The following GPLD1 variants were observed in gnomAD, a reference collection of about 807,000 sequenced individuals.
GPLD1 encodes phosphatidylinositol-glycan-specific phospholipase D.
GPLD1 carries 84 observed loss-of-function variants against 112.6 expected under a neutral mutation model. The observed-to-expected ratio is 0.75, with a 90% CI of 0.63 to 0.89. GPLD1 has a LOEUF of 0.89. GPLD1 is among the 40% of genes least tolerant of loss of function. GPLD1 has a pLI of 0.00. For synonymous variants in GPLD1, 386 were observed against 403.8 expected (o/e 0.96, Z 0.53); for missense variants, 1,044 against 1,051.5 (o/e 0.99, Z 0.10).
At chr6:24,472,170 G>A (rs1265881044) in intron 7 of GPLD1, among the ~76,000 whole-genome samples, 3 of 151,744 alleles carry the variant, frequency 2.0e-5, no homozygotes, top group Non-Finnish European at 1.5e-5. Context: ...AAACACAAAT[G>A]ATCCATAAAA....
upstream of GPLD1, chr6:24,489,746 G>A: frequency 1.8e-6 from 1 of 566,110 alleles, no homozygotes; most frequent in Non-Finnish European, 2.9e-6. Flanking sequence ...GTGGGGTTGG[G>A]AGGATAAACT....
downstream of GPLD1, chr6:24,425,081 T>C (rs528327602): frequency 1.3e-5 from 2 of 152,228 alleles, no homozygotes; most frequent in Non-Finnish European, 2.9e-5. Flanking sequence ...GTCATGGTGT[T>C]CTTGTCGGAA....
At chr6:24,468,503 G>C (rs1360409136) in intron 7 of GPLD1, among the ~76,000 whole-genome samples, 1 of 152,086 alleles carries the variant, frequency 6.6e-6, no homozygotes, top group Non-Finnish European at 1.5e-5. Flanking sequence ...TCCTCGCTTC[G>C]AGTTGTCCCA....
upstream of GPLD1, chr6:24,489,760 A>T (rs570708483): frequency 1.1e-3 from 586 of 511,302 alleles, 1 homozygote; most frequent in Middle Eastern, 2.2e-3. Context: ...ATAAACTGAA[A>T]TCTGAAAAGC....
chr6:24,452,829 G>A (rs1763134636), intron 14 of GPLD1, among the ~76,000 whole-genome samples: 1 of 151,054 alleles, frequency 6.6e-6, no homozygotes, highest in Middle Eastern at 3.3e-3. Flanking sequence ...TCTCTTCACA[G>A]GATTCACTTC....
At chr6:24,489,628 G>A (rs376372836), upstream of GPLD1, 85 of 1,502,370 alleles carry the variant, frequency 5.7e-5, no homozygotes, top group African/African-American at 5.3e-4. Flanking sequence ...GTCACTGACC[G>A]AGGAAACCAA....
chr6:24,463,778 GT>G (rs1489263224), intron 10 of GPLD1, among the ~76,000 whole-genome samples: 2 of 152,132 alleles, frequency 1.3e-5, no homozygotes, highest in African/African-American at 4.8e-5. Context: ...ACATATTTAT[GT>G]TTTCCTTTCT....
chr6:24,492,999 A>G (rs1233754930), upstream of GPLD1, among the ~76,000 whole-genome samples: 1 of 152,212 alleles, frequency 6.6e-6, no homozygotes, highest in African/African-American at 2.4e-5. Flanking sequence ...GAGTGCTCCT[A>G]AAAGTTTTAT....
chr6:24,465,238 A>AG (rs1214044406), intron 10 of GPLD1, among the ~76,000 whole-genome samples: 1 of 147,164 alleles, frequency 6.8e-6, no homozygotes, highest in African/African-American at 2.5e-5. Flanking sequence ...AGAAAAGAAA[A>AG]AAAAAGAAAT....
chr6:24,430,110 C>G (rs1164792374), intron 24 of GPLD1, among the ~76,000 whole-genome samples: 1 of 152,232 alleles, frequency 6.6e-6, no homozygotes, highest in African/African-American at 2.4e-5. Flanking sequence ...CTGTGCTTAT[C>G]TTATCCCTTA....
At chr6:24,492,672 C>CT (rs1007495104), upstream of GPLD1, among the ~76,000 whole-genome samples, 9 of 151,976 alleles carry the variant, frequency 5.9e-5, no homozygotes, top group African/African-American at 2.2e-4. Context: ...CTTGTAGGCC[C>CT]TGGTAAGGAC....
rs144668969 is a variant in GPLD1, at chr6:24,484,353, C to A, written c.153+1722G>T. Among the ~76,000 whole-genome samples the A allele has an allele frequency of 5.5e-3, 832 of 152,232 alleles. 5 individuals are homozygous for A. Among genetic ancestry groups the A allele is most frequent in the South Asian group, 0.029 (141 of 4,818 alleles). On this transcript the variant is annotated intron_variant, in intron 2 of 24. Transcript: ENST00000230036. ...AGCCTCCCAAGTAGCTAGGACTAGA[C>A]TATAGGTGTCTGCCACCACGGCCAG...
At chr6:24,460,156 C>T in intron 12 of GPLD1, 123 bp downstream of exon 12, 2 of 1,161,902 alleles carry the variant, frequency 1.7e-6, no homozygotes, top group South Asian at 1.3e-5. Flanking sequence ...ACTCAGCCTC[C>T]CAGCCACCAC....
At chr6:24,482,645 G>C (rs1764243871) in intron 2 of GPLD1, among the ~76,000 whole-genome samples, 1 of 152,114 alleles carries the variant, frequency 6.6e-6, no homozygotes, top group Non-Finnish European at 1.5e-5. Context: ...TTGAACTCCC[G>C]ACCTCAGGTG....
At position 24,466,957 on chromosome 6, in the gene GPLD1, A is replaced by T. The variant is rs770714274; in HGVS notation, c.654-18T>A. ...CACCATACCTGCAAAATAAACAATA[A>T]TTTTGGCTGTGAGTTGCAGTTTGTA... On this transcript the variant is annotated intron_variant, in intron 8 of 24. Transcript: ENST00000230036. 8.1e-6 allele frequency: 13 copies of T among 1,607,702 alleles called. No individual in the cohort carries two copies. Among genetic ancestry groups the T allele is most frequent in the Non-Finnish European group, 1.1e-5 (13 of 1,174,240 alleles).
chr6:24,468,461 G>A (rs761067525), intron 7 of GPLD1, among the ~76,000 whole-genome samples: 3 of 152,182 alleles, frequency 2.0e-5, no homozygotes, highest in Non-Finnish European at 4.4e-5. Flanking sequence ...TCGGAAGGAT[G>A]TCTCATAGCT....
At chr6:24,462,911 T>C (rs1322751324) in intron 10 of GPLD1, 116 bp from the exon 11 acceptor site, 15 of 770,716 alleles carry the variant, frequency 1.9e-5, no homozygotes, top group Non-Finnish European at 2.7e-5. Context: ...GTTTATTACC[T>C]AGCCATACAG....
intron 14 of GPLD1, 129 bp from the exon 15 acceptor site, chr6:24,450,028 A>T: frequency 1.7e-6 from 1 of 602,826 alleles, no homozygotes; most frequent in Non-Finnish European, 3.0e-6. Flanking sequence ...AAGGTGCAGT[A>T]AGCTATAACA....
At chr6:24,472,780 C>CTTTT in intron 6 of GPLD1, 144 bp from the exon 7 acceptor site, 1 of 494,196 alleles carries the variant, frequency 2.0e-6, no homozygotes, top group Non-Finnish European at 3.6e-6. Context: ...AAAGGCATGC[C>CTTTT]TTTTTTTTTT....
Sources: allele counts gnomAD v4.1 joint callset (sites outside exome capture counted in the v4.1 genomes callset), GRCh38; gene constraint gnomAD v4.1.1; transcripts MANE v1.5; gene names NCBI Gene and HGNC (gene_info 2026-07-23, HGNC 2026-07-21).